The following TENM3 variants were observed in gnomAD, a reference collection of about 807,000 sequenced individuals.
TENM3 encodes teneurin transmembrane protein 3, also known as teneurin-3.
In TENM3, 63 loss-of-function variants were observed where a neutral mutation model predicts 255.1. That is an observed-to-expected ratio of 0.25 (90% CI 0.20 to 0.30). The LOEUF (loss-of-function observed/expected upper bound fraction) is 0.30. TENM3 is among the 10% of genes least tolerant of loss of function. TENM3 has a pLI of 1.00. For missense variants in TENM3, 2,929 were observed against 3,461.1 expected (o/e 0.85, Z 3.86); for synonymous variants, 1,306 against 1,322.3 (o/e 0.99, Z 0.27).
chr4:181,771,879 C>T, the TENM3 span, among the ~76,000 whole-genome samples: 1 of 152,204 alleles, frequency 6.6e-6, no homozygotes, highest in East Asian at 1.9e-4. Context: ...ATGCTACACT[C>T]ACCTTCGTCA....
At chr4:182,569,418 G>A (rs1744126862) in intron 3 of TENM3, among the ~76,000 whole-genome samples, 1 of 152,062 alleles carries the variant, frequency 6.6e-6, no homozygotes, top group African/African-American at 2.4e-5. Flanking sequence ...GCCGGGCGTG[G>A]TGACATGTGC....
chr4:182,615,605 G>A (rs143146125), intron 4 of TENM3, among the ~76,000 whole-genome samples: 13 of 152,166 alleles, frequency 8.5e-5, no homozygotes, highest in Non-Finnish European at 1.8e-4. Flanking sequence ...TGAAGTAAAA[G>A]CCAGTACACA....
intron 3 of TENM3, among the ~76,000 whole-genome samples, chr4:182,413,454 T>C (rs2151093469): frequency 6.6e-6 from 1 of 152,102 alleles, no homozygotes; most frequent in African/African-American, 2.4e-5. Flanking sequence ...CTGTCTCTAC[T>C]AAAAATACAA....
intron 18 of TENM3, among the ~76,000 whole-genome samples, chr4:182,742,202 G>T (rs1761660187): frequency 6.6e-6 from 1 of 152,186 alleles, no homozygotes; most frequent in Admixed American, 6.5e-5. Context: ...TAGAGCAATG[G>T]CAAAAGCAAT....
At chr4:182,624,288 C>T (rs1188662558) in intron 4 of TENM3, among the ~76,000 whole-genome samples, 1 of 152,236 alleles carries the variant, frequency 6.6e-6, no homozygotes, top group Non-Finnish European at 1.5e-5. Context: ...TCCATTTCCA[C>T]TTTCCCCCAG....
At chr4:181,552,034 G>A in the TENM3 span, among the ~76,000 whole-genome samples, 60 of 151,884 alleles carry the variant, frequency 4.0e-4, no homozygotes, top group African/African-American at 1.4e-3. Context: ...GTGGGAGGAG[G>A]TGAGAGAGAC....
At chr4:181,946,481 C>T in the TENM3 span, among the ~76,000 whole-genome samples, 1 of 152,188 alleles carries the variant, frequency 6.6e-6, no homozygotes, top group African/African-American at 2.4e-5. Flanking sequence ...AAGTGGCTCC[C>T]TACACCTCTG....
chr4:182,424,843 T>C (rs1771089712), intron 3 of TENM3, among the ~76,000 whole-genome samples: 1 of 152,190 alleles, frequency 6.6e-6, no homozygotes, highest in Non-Finnish European at 1.5e-5. Flanking sequence ...AATGCTGTTT[T>C]TTTGAACTAA....
intron 1 of TENM3, among the ~76,000 whole-genome samples, chr4:182,263,500 C>G (rs1313712415): frequency 6.6e-6 from 1 of 152,174 alleles, no homozygotes; most frequent in African/African-American, 2.4e-5. Context: ...ATGTTAACTG[C>G]TGTTCTCTTT....
At chr4:181,491,080 G>A in the TENM3 span, among the ~76,000 whole-genome samples, 4 of 151,604 alleles carry the variant, frequency 2.6e-5, no homozygotes, top group Middle Eastern at 3.4e-3. Context: ...CTGAGACTTC[G>A]TGATTTACGA....
chr4:182,251,218 C>CCAG (rs1472516891), intron 1 of TENM3, among the ~76,000 whole-genome samples: 4 of 152,214 alleles, frequency 2.6e-5, no homozygotes. Flanking sequence ...GCCTGTAATT[C>CCAG]CAGCACTTTG....
the TENM3 span, among the ~76,000 whole-genome samples, chr4:181,857,551 C>CAAAAAAAAAAAAAAAAAAAA: frequency 8.6e-5 from 9 of 104,768 alleles, no homozygotes; most frequent in South Asian, 2.7e-4. Flanking sequence ...CCTGTCTCTA[C>CAAAAAAAAAAAAAAAAAAAA]AAAAAAAAAA....
chr4:181,912,357 C>G, the TENM3 span, among the ~76,000 whole-genome samples: 1 of 152,154 alleles, frequency 6.6e-6, no homozygotes, highest in African/African-American at 2.4e-5. Context: ...ACAGACTTCT[C>G]TAATATGAAA....
chr4:181,669,393 T>C, the TENM3 span, among the ~76,000 whole-genome samples: 1 of 152,176 alleles, frequency 6.6e-6, no homozygotes, highest in Non-Finnish European at 1.5e-5. Context: ...CAAGACTGTT[T>C]GGCTCCAGAG....
the TENM3 span, among the ~76,000 whole-genome samples, chr4:182,017,608 C>G: frequency 2.0e-5 from 3 of 152,110 alleles, no homozygotes; most frequent in African/African-American, 7.2e-5. Flanking sequence ...GCCCTCCTTA[C>G]TTAGATAAGA....
intron 3 of TENM3, among the ~76,000 whole-genome samples, chr4:182,563,142 T>C (rs1743386915): frequency 6.6e-6 from 1 of 152,162 alleles, no homozygotes; most frequent in African/African-American, 2.4e-5. Context: ...GAGCTGGGCA[T>C]GGTGGCTCAC....
chr4:181,575,717 C>G, the TENM3 span, among the ~76,000 whole-genome samples: 1 of 152,124 alleles, frequency 6.6e-6, no homozygotes, highest in Non-Finnish European at 1.5e-5. Context: ...GAGCTATATA[C>G]GACATTTGGG....
At chr4:182,567,702 C>T (rs550688859) in intron 3 of TENM3, among the ~76,000 whole-genome samples, 4 of 152,116 alleles carry the variant, frequency 2.6e-5, no homozygotes, top group South Asian at 2.1e-4. Flanking sequence ...AATTGCAGCT[C>T]ATCCCTGCTA....
the TENM3 span, among the ~76,000 whole-genome samples, chr4:181,661,257 GCTGA>G: frequency 2.0e-5 from 3 of 152,108 alleles, no homozygotes; most frequent in Non-Finnish European, 1.5e-5. Flanking sequence ...ATGCTCACGA[GCTGA>G]CTATTTATGA....
Sources: gnomAD v4.1 joint callset for allele counts (sites outside exome capture counted in the v4.1 genomes callset) on GRCh38, gnomAD v4.1.1 for gene constraint, MANE v1.5 for transcripts, NCBI Gene and HGNC (gene_info 2026-07-23, HGNC 2026-07-21) for gene names.